BBS9: variants seen among roughly 807,000 people sequenced by gnomAD.
BBS9 encodes the protein protein PTHB1.
BBS9 carries 89 observed loss-of-function variants against 117.7 expected under a neutral mutation model. The ratio of observed to expected loss-of-function variants is 0.76; its 90% CI spans 0.64 to 0.90. The LOEUF (loss-of-function observed/expected upper bound fraction) is 0.90, where lower values mean the gene tolerates loss of function less well. Ranked by LOEUF, BBS9 falls within the 40% of genes least tolerant of loss-of-function variation. The probability of loss-of-function intolerance (pLI) is 0.00; values close to 1 mark genes in which losing one functional copy is unlikely to be tolerated. For synonymous variants in BBS9, 379 were observed against 370.9 expected, an observed-to-expected ratio of 1.02 and a Z score of -0.25; for missense variants, 982 against 1,042.2, an observed-to-expected ratio of 0.94 and a Z score of 0.80.
At chr7:33,477,256 A>G (rs62451222) in intron 19 of BBS9, among the ~76,000 whole-genome samples, 29,521 of 152,168 alleles carry the variant, frequency 0.19, 3,730 homozygotes, top group Admixed American at 0.35. Flanking sequence ...CATCGTCATC[A>G]TTGTTGTTAC....
chr7:33,419,249 CTG>C (rs1247732329), intron 19 of BBS9, among the ~76,000 whole-genome samples: 1 of 152,028 alleles, frequency 6.6e-6, no homozygotes, highest in Non-Finnish European at 1.5e-5. Context: ...ATGAAAATAT[CTG>C]TCACTTAAGA....
chr7:33,596,381 A>ATCTATCTG (rs1253329030), intron 21 of BBS9, among the ~76,000 whole-genome samples: 5 of 150,702 alleles, frequency 3.3e-5, no homozygotes, highest in Non-Finnish European at 7.4e-5. Context: ...CTATCTATCT[A>ATCTATCTG]TCTATCTATC....
chr7:33,246,656 C>A (rs1346103417), intron 5 of BBS9, among the ~76,000 whole-genome samples: 1 of 151,734 alleles, frequency 6.6e-6, no homozygotes, highest in Non-Finnish European at 1.5e-5. Flanking sequence ...AATAATTTTT[C>A]TTTTGGATAC....
intron 19 of BBS9, among the ~76,000 whole-genome samples, chr7:33,420,779 A>C (rs1313551179): frequency 6.6e-6 from 1 of 152,220 alleles, no homozygotes. Context: ...CAGACAGGCC[A>C]AAACATAATT....
chr7:33,629,574 A>T (rs1865792994), intron 21 of BBS9, among the ~76,000 whole-genome samples: 1 of 152,150 alleles, frequency 6.6e-6, no homozygotes, highest in South Asian at 2.1e-4. Flanking sequence ...TTGTGTGCTG[A>T]CTAAACTGTG....
intron 16 of BBS9, among the ~76,000 whole-genome samples, chr7:33,360,255 G>C (rs1820376608): frequency 6.6e-6 from 1 of 152,014 alleles, no homozygotes. Flanking sequence ...ATATTTAAAA[G>C]TGGAATTGCT....
intron 19 of BBS9, among the ~76,000 whole-genome samples, chr7:33,410,484 G>T (rs1830915272): frequency 6.6e-6 from 1 of 152,068 alleles, no homozygotes; most frequent in Non-Finnish European, 1.5e-5. Context: ...TAGTGACTCA[G>T]CCCCCTCTCT....
intron 2 of BBS9, among the ~76,000 whole-genome samples, chr7:33,149,482 AAC>A (rs1265886172): frequency 2.6e-5 from 4 of 152,212 alleles, no homozygotes; most frequent in Non-Finnish European, 4.4e-5. Context: ...ATTGAAATTG[AAC>A]ACCCCATGCA....
downstream of BBS9, among the ~76,000 whole-genome samples, chr7:33,609,659 G>A (rs985691679): frequency 6.6e-5 from 10 of 152,054 alleles, no homozygotes; most frequent in African/African-American, 1.9e-4. Context: ...TGGTCAGGAC[G>A]TCAGATTTCA....
intron 18 of BBS9, 71 bp from the exon 19 acceptor site, chr7:33,387,921 T>A: frequency 2.0e-6 from 3 of 1,486,196 alleles, no homozygotes; most frequent in Non-Finnish European, 2.8e-6. Flanking sequence ...TTATTATCAT[T>A]GTGTGTATTT....
At chr7:33,590,299 G>A (rs554781999) in intron 21 of BBS9, among the ~76,000 whole-genome samples, 8 of 151,986 alleles carry the variant, frequency 5.3e-5, no homozygotes, top group Admixed American at 3.3e-4. Flanking sequence ...GCAAAGAAAC[G>A]GAAGAAAATG....
intron 19 of BBS9, among the ~76,000 whole-genome samples, chr7:33,395,022 A>G (rs1000075346): frequency 6.6e-6 from 1 of 152,206 alleles, no homozygotes; most frequent in African/African-American, 2.4e-5. Flanking sequence ...CAGGTGGGAC[A>G]TAGACAGCCT....
intron 20 of BBS9, among the ~76,000 whole-genome samples, chr7:33,520,381 GA>G (rs1848433096): frequency 2.6e-5 from 4 of 152,100 alleles, no homozygotes; most frequent in Admixed American, 2.6e-4. Flanking sequence ...AACCCGCACA[GA>G]AAAGATAAAC....
chr7:33,222,169 G>A (rs1383126451), intron 5 of BBS9, among the ~76,000 whole-genome samples: 1 of 152,172 alleles, frequency 6.6e-6, no homozygotes, highest in Non-Finnish European at 1.5e-5. Context: ...GTCTGCCTAA[G>A]AAGTCAAAGT....
At chr7:33,183,710 AT>A (rs1233564477) in intron 5 of BBS9, among the ~76,000 whole-genome samples, 1 of 152,176 alleles carries the variant, frequency 6.6e-6, no homozygotes, top group African/African-American at 2.4e-5. Context: ...AAACTCCAAA[AT>A]TCCTGTCCTC....
chr7:33,633,304 G>T (rs114485098), intron 21 of BBS9, among the ~76,000 whole-genome samples: 1,204 of 106,406 alleles, frequency 0.011, 18 homozygotes, highest in African/African-American at 0.03. Flanking sequence ...TCTAAGAAAA[G>T]ACTTAAAAAA....
chr7:33,348,598 ATATGTTAAATT>A (rs1425885546), intron 12 of BBS9, among the ~76,000 whole-genome samples: 1 of 152,170 alleles, frequency 6.6e-6, no homozygotes, highest in Non-Finnish European at 1.5e-5. Context: ...TTGTGAAGTT[ATATGTTAAATT>A]TATGTTTAAC....
intron 19 of BBS9, among the ~76,000 whole-genome samples, chr7:33,464,398 C>T (rs1839887729): frequency 6.6e-6 from 1 of 151,936 alleles, no homozygotes; most frequent in Non-Finnish European, 1.5e-5. Flanking sequence ...CTTTTCTTCA[C>T]AGTAGACAGA....
intron 1 of BBS9, among the ~76,000 whole-genome samples, chr7:33,142,459 TG>T (rs1258843281): frequency 4.6e-5 from 7 of 152,230 alleles, no homozygotes; most frequent in Admixed American, 2.0e-4. Flanking sequence ...GGTAAAATAA[TG>T]TGACATAAAA....
Sources: allele counts gnomAD v4.1 joint callset (sites outside exome capture counted in the v4.1 genomes callset), GRCh38; gene constraint gnomAD v4.1.1; transcripts MANE v1.5; gene names NCBI Gene and HGNC (gene_info 2026-07-23, HGNC 2026-07-21).